PCDH9: variants seen among roughly 807,000 people sequenced by gnomAD.
PCDH9 encodes the protein protocadherin-9.
A neutral mutation model predicts 70.6 loss-of-function variants in PCDH9; 24 were observed. The ratio of observed to expected loss-of-function variants is 0.34; its 90% CI spans 0.25 to 0.48. The LOEUF is 0.48. Among genes scored for constraint, PCDH9 ranks in the 20% least tolerant of loss-of-function variants. The pLI, the probability that PCDH9 is intolerant of heterozygous loss-of-function variation, is 0.99. For missense variants in PCDH9, 1,281 were observed against 1,503.6 expected, an observed-to-expected ratio of 0.85 and a Z score of 2.45; for synonymous variants, 562 against 558.5, an observed-to-expected ratio of 1.01 and a Z score of -0.09.
At chr13:66,334,174 C>T (rs560512567) in intron 4 of PCDH9, among the ~76,000 whole-genome samples, 3 of 152,174 alleles carry the variant, frequency 2.0e-5, no homozygotes, top group African/African-American at 7.2e-5. Context: ...CATTAACCAA[C>T]CTCTCTTCAT....
chr13:66,481,075 G>C (rs1350374681), intron 4 of PCDH9, among the ~76,000 whole-genome samples: 1 of 151,960 alleles, frequency 6.6e-6, no homozygotes, highest in Non-Finnish European at 1.5e-5. Flanking sequence ...AACACCTCAT[G>C]TTCTGACTCA....
At chr13:66,727,815 T>C (rs2079025098) in intron 3 of PCDH9, among the ~76,000 whole-genome samples, 1 of 151,994 alleles carries the variant, frequency 6.6e-6, no homozygotes, top group South Asian at 2.1e-4. Context: ...TTTTTTCCAG[T>C]GGGGTCTCAG....
chr13:67,085,810 T>G (rs2086095512), intron 2 of PCDH9, among the ~76,000 whole-genome samples: 1 of 152,198 alleles, frequency 6.6e-6, no homozygotes, highest in South Asian at 2.1e-4. Context: ...GGTAAATAGA[T>G]CTTTCAATAT....
intron 2 of PCDH9, among the ~76,000 whole-genome samples, chr13:67,009,523 A>G (rs940908855): frequency 3.3e-5 from 5 of 152,032 alleles, no homozygotes; most frequent in Non-Finnish European, 7.4e-5. Flanking sequence ...CCTCCCCTGA[A>G]TCAAGCATCT....
rs544993945 is a variant in PCDH9 at position 66,722,863 on chromosome 13, G to A, written c.3139-91452C>T. 1.4e-3 allele frequency among the ~76,000 whole-genome samples: 210 copies of A among 151,564 alleles called. 1 individual carries two copies. Among genetic ancestry groups the A allele is most frequent in the African/African-American group, 4.7e-3 (196 of 41,280 alleles). On this transcript the variant is annotated intron_variant, in intron 3 of 4. Coordinates refer to ENST00000377865, the MANE Select transcript of PCDH9 (RefSeq NM_203487.3). ...GGTACCTGTAATCCCAGCTACTCAG[G>A]AGGCTGAGGCAGGAAAATTGCTTGA...
intron 2 of PCDH9, among the ~76,000 whole-genome samples, chr13:66,975,537 GA>G (rs2083602019): frequency 6.6e-6 from 1 of 152,030 alleles, no homozygotes; most frequent in Non-Finnish European, 1.5e-5. Context: ...CCCAGCTAGT[GA>G]AATGAAATCA....
chr13:66,958,645 A>C (rs1205552170), intron 2 of PCDH9, among the ~76,000 whole-genome samples: 4 of 152,178 alleles, frequency 2.6e-5, no homozygotes, highest in Admixed American at 6.5e-5. Flanking sequence ...CAGTCTATTC[A>C]TTGATGTAAT....
chr13:67,052,309 T>C (rs1171733219), intron 2 of PCDH9, among the ~76,000 whole-genome samples: 1 of 151,742 alleles, frequency 6.6e-6, no homozygotes, highest in African/African-American at 2.4e-5. Context: ...AATAAGGGGT[T>C]AGGGAAAGGA....
At chr13:66,635,540 G>T (rs2077626446) in intron 3 of PCDH9, among the ~76,000 whole-genome samples, 1 of 152,046 alleles carries the variant, frequency 6.6e-6, no homozygotes, top group Non-Finnish European at 1.5e-5. Flanking sequence ...TTGGGTTTGA[G>T]AAATATCACC....
intron 2 of PCDH9, among the ~76,000 whole-genome samples, chr13:66,997,465 C>A (rs978666754): frequency 6.6e-6 from 1 of 152,080 alleles, no homozygotes; most frequent in Non-Finnish European, 1.5e-5. Flanking sequence ...CTCCCATGAC[C>A]CAGACACCAC....
intron 2 of PCDH9, among the ~76,000 whole-genome samples, chr13:67,041,902 C>A (rs2085124464): frequency 6.6e-6 from 1 of 151,924 alleles, no homozygotes; most frequent in Non-Finnish European, 1.5e-5. Flanking sequence ...AGCCCCTTTG[C>A]CAGTTAAGCA....
chr13:66,882,755 G>A (rs537081872), intron 3 of PCDH9, among the ~76,000 whole-genome samples: 1 of 152,252 alleles, frequency 6.6e-6, no homozygotes, highest in African/African-American at 2.4e-5. Flanking sequence ...AAGTTAATGG[G>A]AAAGAAGTCC....
intron 2 of PCDH9, among the ~76,000 whole-genome samples, chr13:67,138,872 T>C (rs2087301550): frequency 6.6e-6 from 1 of 152,192 alleles, no homozygotes; most frequent in African/African-American, 2.4e-5. Flanking sequence ...GTAAATACTT[T>C]GATCAAGCCA....
At chr13:66,728,624 A>T (rs984213342) in intron 3 of PCDH9, among the ~76,000 whole-genome samples, 1 of 152,078 alleles carries the variant, frequency 6.6e-6, no homozygotes, top group Non-Finnish European at 1.5e-5. Flanking sequence ...TTAATCTCTC[A>T]GTTCTGTTCC....
intron 4 of PCDH9, among the ~76,000 whole-genome samples, chr13:66,535,221 T>A (rs1404444336): frequency 6.6e-6 from 1 of 152,028 alleles, no homozygotes; most frequent in Admixed American, 6.6e-5. Context: ...AAACAGTAAA[T>A]TACATGTTAA....
At chr13:66,431,105 G>C (rs1264983845) in intron 4 of PCDH9, among the ~76,000 whole-genome samples, 1 of 151,972 alleles carries the variant, frequency 6.6e-6, no homozygotes, top group Admixed American at 6.6e-5. Context: ...GTAGGTCCTA[G>C]GGAATGAAAG....
chr13:66,849,611 G>A (rs1421008823), intron 3 of PCDH9, among the ~76,000 whole-genome samples: 2 of 151,106 alleles, frequency 1.3e-5, no homozygotes, highest in Admixed American at 6.6e-5. Context: ...GCCGCTTTAA[G>A]GTAATGAAAT....
chr13:66,986,982 C>A (rs1350595274), intron 2 of PCDH9, among the ~76,000 whole-genome samples: 1 of 151,612 alleles, frequency 6.6e-6, no homozygotes, highest in African/African-American at 2.4e-5. Flanking sequence ...TTACCTATAT[C>A]ACAGATAGAA....
chr13:66,617,399 C>A (rs1244897729), intron 4 of PCDH9, among the ~76,000 whole-genome samples: 1 of 152,190 alleles, frequency 6.6e-6, no homozygotes, highest in African/African-American at 2.4e-5. Flanking sequence ...GCATCCTAAA[C>A]CCTTGGGACT....
Sources: allele counts gnomAD v4.1 joint callset (sites outside exome capture counted in the v4.1 genomes callset), GRCh38; gene constraint gnomAD v4.1.1; transcripts MANE v1.5; gene names NCBI Gene and HGNC (gene_info 2026-07-23, HGNC 2026-07-21).